TRIOBP: variants seen among roughly 807,000 people sequenced by gnomAD.
TRIOBP encodes TRIO and F-actin-binding protein.
TRIOBP carries 169 observed loss-of-function variants against 238.8 expected under a neutral mutation model. That is an observed-to-expected ratio of 0.71 (90% CI 0.62 to 0.80). TRIOBP has a LOEUF of 0.80. Among genes scored for constraint, TRIOBP ranks in the 30% least tolerant of loss-of-function variants. The pLI, the probability that TRIOBP is intolerant of heterozygous loss-of-function variation, is 0.00. For synonymous variants in TRIOBP, 1,150 were observed against 1,274.4 expected (o/e 0.90, Z 2.08); for missense variants, 2,838 against 3,122.6 (o/e 0.91, Z 2.17).
At chr22:37,731,176 C>T (rs1350238300) in intron 7 of TRIOBP, among the ~76,000 whole-genome samples, 9 of 151,984 alleles carry the variant, frequency 5.9e-5, no homozygotes, top group African/African-American at 1.9e-4. Flanking sequence ...CTTGCTCTTT[C>T]ACCCAGGCTG....
chr22:37,767,014 A>T (rs1462383364), intron 18 of TRIOBP, among the ~76,000 whole-genome samples: 1 of 150,958 alleles, frequency 6.6e-6, no homozygotes, highest in African/African-American at 2.4e-5. Context: ...GCACTTTGGG[A>T]GGCCGAGGCA....
rs751815824 is a variant in TRIOBP, at chr22:37,751,756, C to T, written c.5323-16C>T. On this transcript the variant is annotated splice_polypyrimidine_tract_variant and intron_variant, in intron 11 of 23. Coordinates refer to ENST00000644935, the MANE Select transcript of TRIOBP (RefSeq NM_001039141.3). Reference sequence around the variant, plus strand: ...CCTGCTGGACCCAACTCACCTCCCTCCTCATCTCCCCACAGCCCGATCTGC... The same window carrying T: ...CCTGCTGGACCCAACTCACCTCCCTTCTCATCTCCCCACAGCCCGATCTGC... The T allele has an allele frequency of 3.1e-6, 5 of 1,614,036 alleles. No individual in the cohort carries two copies. In the East Asian group the frequency reaches 6.7e-5, roughly 22 times the overall value.
rs1010631286 is a variant in TRIOBP at position 37,723,115 on chromosome 22, A to T, written c.629-70A>T. On this transcript the variant is annotated intron_variant, in intron 6 of 23. Coordinates refer to ENST00000644935, the MANE Select transcript of TRIOBP (RefSeq NM_001039141.3). ...GCCCTAATCACTGGTCCTAAGGGAC[A>T]AAGAAAGGTAGAATATGAGAGCTGC... 59 of 1,545,242 alleles carry T rather than the reference A, an allele frequency of 3.8e-5. No homozygotes were observed. The Admixed American group carries it at 1.0e-3, about 27-fold the overall frequency.
chr22:37,725,096 C>A lies in TRIOBP; in HGVS notation c.2540C>A (p.Thr847Asn). Reference sequence around the variant, plus strand: ...ACCAAACGAGATAACCTCAGACCCACTTGTACACAGCGGGACCGCACACAG... The same window carrying A: ...ACCAAACGAGATAACCTCAGACCCAATTGTACACAGCGGGACCGCACACAG... ...SCTKRDNLRP[T>N]CTQRDRTQSF... The change falls in exon 7 of 24, where the codon ACT becomes AAT. Residue 847 changes from threonine to asparagine, a missense_variant. By Grantham distance (65) the Thr-to-Asn change is moderately conservative. Coordinates refer to ENST00000644935, the MANE Select transcript of TRIOBP (RefSeq NM_001039141.3). 6.2e-7 allele frequency: 1 copy of A among 1,614,198 alleles called. No individual in the cohort carries two copies.
chr22:37,703,547 C>G lies in TRIOBP; in HGVS notation c.114+2068C>G, dbSNP rs575558627. ...TGAGACAGAGTCTCGTTCTGTTGCCCAGGCTGGAGTACAGTGGTGCGATCT... is the reference window on the plus strand; with the variant it reads ...TGAGACAGAGTCTCGTTCTGTTGCCGAGGCTGGAGTACAGTGGTGCGATCT... On this transcript the variant is annotated intron_variant, in intron 3 of 23. Transcript: ENST00000644935. Among the ~76,000 whole-genome samples the G allele has an allele frequency of 4.0e-5, 6 of 149,930 alleles. No individual in the cohort carries two copies. The South Asian group carries it at 1.3e-3, about 32-fold the overall frequency.
At chr22:37,763,048 G>C (rs957245392) in intron 17 of TRIOBP, among the ~76,000 whole-genome samples, 1 of 152,118 alleles carries the variant, frequency 6.6e-6, no homozygotes, top group African/African-American at 2.4e-5. Flanking sequence ...GAGGCCCTAG[G>C]AGCCCCTGTT....
chr22:37,755,390 C>A, intron 14 of TRIOBP, 160 bp from the exon 15 acceptor site: 1 of 904,338 alleles, frequency 1.1e-6, no homozygotes, highest in Non-Finnish European at 1.8e-6. Flanking sequence ...CAGGGCTCTT[C>A]CCAGGCCAAT....
chr22:37,706,767 C>T (rs1212279645), intron 3 of TRIOBP, among the ~76,000 whole-genome samples: 1 of 77,522 alleles, frequency 1.3e-5, no homozygotes, highest in African/African-American at 6.4e-5. Context: ...GCAAGACTAT[C>T]TTAAAAAAAA....
At chr22:37,701,719 T>C (rs536852858) in intron 3 of TRIOBP, among the ~76,000 whole-genome samples, 36 of 152,208 alleles carry the variant, frequency 2.4e-4, no homozygotes, top group African/African-American at 8.2e-4. Flanking sequence ...AATCTGTTAC[T>C]TACTTTGTTA....
At chr22:37,713,539 C>T (rs1923365781) in intron 5 of TRIOBP, 128 bp downstream of exon 5, 6 of 1,214,720 alleles carry the variant, frequency 4.9e-6, no homozygotes, top group Admixed American at 1.8e-5. Flanking sequence ...TCCTCTGGAC[C>T]ATTAGCTGGC....
intron 12 of TRIOBP, among the ~76,000 whole-genome samples, chr22:37,753,270 T>A (rs1384983721): frequency 6.6e-6 from 1 of 152,030 alleles, no homozygotes; most frequent in Non-Finnish European, 1.5e-5. Flanking sequence ...TTTTTGTTTT[T>A]TATTTTTGTT....
chr22:37,757,544 C>T (rs2145869642), intron 15 of TRIOBP, 69 bp from the exon 16 acceptor site: 2 of 1,535,322 alleles, frequency 1.3e-6, no homozygotes, highest in East Asian at 2.4e-5. Flanking sequence ...ACAGGTGTCG[C>T]TCCAAAAGTG....
chr22:37,718,843 GTTTTTTTTTT>G (rs71195044), intron 6 of TRIOBP, among the ~76,000 whole-genome samples: 6 of 103,354 alleles, frequency 5.8e-5, no homozygotes, highest in Admixed American at 2.1e-4. Context: ...ACTGGGGCTT[GTTTTTTTTTT>G]TTTTTTTTTT....
chr22:37,755,228 G>C (rs543592830), intron 14 of TRIOBP, 38 bp downstream of exon 14: 3 of 1,590,962 alleles, frequency 1.9e-6, no homozygotes, highest in Non-Finnish European at 2.6e-6. Context: ...GTGGTGGGCA[G>C]CATGGCTGGA....
At chr22:37,756,399 G>T (rs1025166250) in intron 15 of TRIOBP, among the ~76,000 whole-genome samples, 1 of 152,188 alleles carries the variant, frequency 6.6e-6, no homozygotes, top group African/African-American at 2.4e-5. Flanking sequence ...TGGCCACACC[G>T]CGGCTATTCA....
At chr22:37,771,189 G>A (rs1300133444) in intron 21 of TRIOBP, among the ~76,000 whole-genome samples, 1 of 152,188 alleles carries the variant, frequency 6.6e-6, no homozygotes, top group African/African-American at 2.4e-5. Flanking sequence ...ACTGGGATTT[G>A]AACCAGGCAG....
In TRIOBP at chr22:37,774,359, T is replaced by C. The variant is rs1380874999; in HGVS notation, c.*579T>C. 1 of 152,298 alleles carries C rather than the reference T, an allele frequency of 6.6e-6. No individual in the cohort carries two copies. The highest frequency in any genetic ancestry group is 2.4e-5 in the African/African-American group (1 of 41,444). 9.4% of individuals were successfully genotyped at this position (152,298 alleles called of 1,614,324 possible). On this transcript the variant is annotated 3_prime_UTR_variant, in exon 24 of 24. Transcript: ENST00000644935. The stretch of plus-strand genomic sequence containing the variant: ...TCCTGCCCCATTTGGACCCGTACCA[T>C]GGGGCTCAGGACAGAGGGAGCTAGC...
At chr22:37,743,917 T>C (rs1286271925) in intron 11 of TRIOBP, among the ~76,000 whole-genome samples, 1 of 149,670 alleles carries the variant, frequency 6.7e-6, no homozygotes, top group Non-Finnish European at 1.5e-5. Flanking sequence ...GGAAGAGAAG[T>C]GTTCCAGGCA....
intron 11 of TRIOBP, among the ~76,000 whole-genome samples, chr22:37,746,962 C>T (rs1275473888): frequency 6.6e-6 from 1 of 152,230 alleles, no homozygotes; most frequent in Non-Finnish European, 1.5e-5. Flanking sequence ...GGGAGGCAGT[C>T]CCGGGACGTC....
Sources: gnomAD v4.1 joint callset for allele counts (sites outside exome capture counted in the v4.1 genomes callset) on GRCh38, gnomAD v4.1.1 for gene constraint, MANE v1.5 for transcripts, NCBI Gene and HGNC (gene_info 2026-07-23, HGNC 2026-07-21) for gene names.